NSUN7: variants seen among roughly 807,000 people sequenced by gnomAD.
NSUN7 encodes the protein protein NSUN7.
A neutral mutation model predicts 58.5 loss-of-function variants in NSUN7; 39 were observed. That is an observed-to-expected ratio of 0.67 (90% CI 0.52 to 0.87). NSUN7 has a LOEUF of 0.87. Ranked by LOEUF, NSUN7 falls within the 40% of genes least tolerant of loss-of-function variation. The probability of loss-of-function intolerance (pLI) is 0.00; values close to 1 mark genes in which losing one functional copy is unlikely to be tolerated. For missense variants in NSUN7, 765 were observed against 844.1 expected (o/e 0.91, Z 1.16); for synonymous variants, 278 against 303.7 (o/e 0.92, Z 0.88).
chr4:40,791,168 T>A (rs1346643245), intron 8 of NSUN7, among the ~76,000 whole-genome samples: 1 of 152,234 alleles, frequency 6.6e-6, no homozygotes, highest in East Asian at 1.9e-4. Flanking sequence ...GAGCCTATGT[T>A]CTAAACATGA....
At chr4:40,769,997 G>T (rs541111399) in intron 4 of NSUN7, among the ~76,000 whole-genome samples, 20 of 151,976 alleles carry the variant, frequency 1.3e-4, no homozygotes, top group Admixed American at 1.2e-3. Context: ...ATCTCCTGAG[G>T]TCGGGAGTTC....
At chr4:40,787,601 T>C (rs1196855401) in intron 7 of NSUN7, among the ~76,000 whole-genome samples, 1 of 152,176 alleles carries the variant, frequency 6.6e-6, no homozygotes, top group Admixed American at 6.5e-5. Flanking sequence ...CTGGATACTC[T>C]TGAATCTGGC....
intron 4 of NSUN7, among the ~76,000 whole-genome samples, chr4:40,766,051 T>A (rs1577551109): frequency 6.6e-6 from 1 of 152,150 alleles, no homozygotes; most frequent in Non-Finnish European, 1.5e-5. Context: ...ACTTCCTCTT[T>A]TCCTAATTGA....
intron 4 of NSUN7, among the ~76,000 whole-genome samples, chr4:40,769,827 C>T (rs1741912232): frequency 6.6e-6 from 1 of 152,206 alleles, no homozygotes; most frequent in African/African-American, 2.4e-5. Flanking sequence ...GTTTCACTTA[C>T]CTAGTAAAGA....
intron 7 of NSUN7, among the ~76,000 whole-genome samples, chr4:40,782,642 G>T (rs1489086792): frequency 6.6e-6 from 1 of 151,996 alleles, no homozygotes; most frequent in South Asian, 2.1e-4. Context: ...GGCTAAGGTG[G>T]GAGGCTCACT....
intron 2 of NSUN7, among the ~76,000 whole-genome samples, chr4:40,753,044 G>A (rs897020391): frequency 6.6e-6 from 1 of 152,052 alleles, no homozygotes; most frequent in Non-Finnish European, 1.5e-5. Flanking sequence ...CAGCTGTGTT[G>A]ATTAATTGGC....
intron 10 of NSUN7, among the ~76,000 whole-genome samples, chr4:40,802,910 G>A (rs1743650690): frequency 6.7e-6 from 1 of 148,684 alleles, no homozygotes; most frequent in South Asian, 2.2e-4. Context: ...TTTAGCATTA[G>A]GTATATCTCG....
At chr4:40,773,528 C>A (rs1472533949) in intron 4 of NSUN7, among the ~76,000 whole-genome samples, 2 of 151,754 alleles carry the variant, frequency 1.3e-5, no homozygotes, top group African/African-American at 4.8e-5. Context: ...ACTAAAAATA[C>A]AAAAATTAGC....
intron 8 of NSUN7, among the ~76,000 whole-genome samples, chr4:40,793,162 C>T (rs552451399): frequency 1.3e-4 from 20 of 152,164 alleles, no homozygotes; most frequent in Middle Eastern, 3.4e-3. Flanking sequence ...GAAATGTAGG[C>T]CAGGCACAGT....
intron 2 of NSUN7, among the ~76,000 whole-genome samples, chr4:40,754,934 CG>C (rs1461364359): frequency 4.6e-5 from 7 of 152,128 alleles, no homozygotes; most frequent in Admixed American, 1.3e-4. Context: ...AGATTTAAAG[CG>C]CTCCGTAAAA....
At chr4:40,794,551 A>G (rs1743236299) in intron 9 of NSUN7, 75 bp downstream of exon 9, 3 of 876,688 alleles carry the variant, frequency 3.4e-6, no homozygotes, top group Admixed American at 4.4e-5. Context: ...ACGATCTATT[A>G]TAATCAAGCA....
At chr4:40,770,210 CAAAA>C (rs36059628) in intron 4 of NSUN7, among the ~76,000 whole-genome samples, 1 of 94,760 alleles carries the variant, frequency 1.1e-5, no homozygotes, top group Non-Finnish European at 2.1e-5. Context: ...AACTCCATCT[CAAAA>C]AAAAAAAAAA....
At chr4:40,760,589 G>T (rs529945145) in intron 3 of NSUN7, 97 bp downstream of exon 3, 2 of 969,166 alleles carry the variant, frequency 2.1e-6, no homozygotes, top group Admixed American at 2.4e-5. Flanking sequence ...GAGGCCGGGC[G>T]CAGTGGCTCA....
Position 40,750,736 on chromosome 4 carries a change from G to C in NSUN7, c.43G>C (p.Asp15His). ...CGAACTGGAGTTTTCGAACGAAGAA[G>C]ATCCCGAGATCATCTCCCAACTCAC... ...TGELEFSNEE[D>H]PEIISQLTSL... The change falls in exon 2 of 12, where the codon GAT (aspartate) becomes CAT (histidine). Residue 15 changes from aspartate to histidine, a missense_variant. Coordinates refer to ENST00000381782, the MANE Select transcript of NSUN7 (RefSeq NM_024677.6). 1.2e-6 allele frequency: 2 copies of C among 1,614,086 alleles called. No homozygotes were observed. The highest frequency in any genetic ancestry group is 1.7e-6 in the Non-Finnish European group (2 of 1,179,996).
In NSUN7 at chr4:40,750,906, G is replaced by C. The variant is rs375165084; in HGVS notation, c.213G>C (p.Gly71=). 9 of 1,614,226 alleles carry C rather than the reference G, an allele frequency of 5.6e-6. No homozygotes were observed. Among genetic ancestry groups the C allele is most frequent in the Non-Finnish European group, 6.8e-6 (8 of 1,180,050 alleles). ...KSAQKVLIKY[G]NEPLRSLSES... Reference sequence around the variant, plus strand: ...CACAGAAAGTCTTAATCAAGTATGGGAATGAACCCCTGCGGTCCTTGTCCG... The same window carrying C: ...CACAGAAAGTCTTAATCAAGTATGGCAATGAACCCCTGCGGTCCTTGTCCG... Residue 71 remains glycine (G), a synonymous_variant, in exon 2 of 12, where the codon GGG becomes GGC. Coordinates refer to ENST00000381782, the MANE Select transcript of NSUN7 (RefSeq NM_024677.6).
chr4:40,764,707 G>C lies in NSUN7; in HGVS notation c.488+3406G>C, dbSNP rs1379324486. 2.6e-5 allele frequency among the ~76,000 whole-genome samples: 4 copies of C among 152,154 alleles called. No homozygotes were observed. The East Asian group carries it at 7.7e-4, about 29-fold the overall frequency. On this transcript the variant is annotated intron_variant, in intron 4 of 11. Transcript: ENST00000381782. ...TTACAGTCCCACCAACAGTGTTAAA[G>C]TGTTCCTATTTCTCCACATCCTCTC...
At chr4:40,771,662 A>C (rs1383107963) in intron 4 of NSUN7, among the ~76,000 whole-genome samples, 1 of 151,040 alleles carries the variant, frequency 6.6e-6, no homozygotes, top group Non-Finnish European at 1.5e-5. Context: ...TAAGGAGTTT[A>C]GATTCTGTCC....
intron 2 of NSUN7, 118 bp from the exon 3 acceptor site, chr4:40,760,316 G>A (rs1000120602): frequency 2.1e-5 from 15 of 723,370 alleles, no homozygotes; most frequent in Middle Eastern, 2.4e-4. Context: ...CAGAATTGAG[G>A]TATATTTTAG....
At position 40,774,840 on chromosome 4, in the gene NSUN7, A is replaced by G. The variant is rs1338416620; in HGVS notation, c.715A>G (p.Lys239Glu). 9 of 1,546,760 alleles carry G rather than the reference A, an allele frequency of 5.8e-6. No individual in the cohort carries two copies. The highest frequency in any genetic ancestry group is 8.0e-6 in the Non-Finnish European group (9 of 1,120,262). The change falls in exon 6 of 12, where the codon AAA (lysine) becomes GAA (glutamate). Residue 239 changes from lysine (K) to glutamate (E), a missense_variant. Lys to Glu is a moderately conservative substitution (Grantham distance 56, BLOSUM62 1). Coordinates refer to ENST00000381782, the MANE Select transcript of NSUN7 (RefSeq NM_024677.6). ...CAAATCTGTATTGCATATTGATGATAAAGTCTTTGCTGTGGATCAACATTG... is the reference window on the plus strand; with the variant it reads ...CAAATCTGTATTGCATATTGATGATGAAGTCTTTGCTGTGGATCAACATTG... ...KVKSVLHIDD[K>E]VFAVDQHCYD...
Sources: allele counts gnomAD v4.1 joint callset (sites outside exome capture counted in the v4.1 genomes callset), GRCh38; gene constraint gnomAD v4.1.1; transcripts MANE v1.5; gene names NCBI Gene and HGNC (gene_info 2026-07-23, HGNC 2026-07-21).